Variants in CTXND1 observed in about 807,000 individuals in gnomAD.
CTXND1 encodes the protein cortexin domain containing 1, also known as cortexin domain-containing 1 protein.
In CTXND1 at chr15:80,198,575, C is replaced by T. The variant is rs183548184; in HGVS notation, c.*3195G>A. The T allele has an allele frequency of 1.6e-4, 25 of 152,334 alleles. No homozygotes were observed. Among genetic ancestry groups the T allele is most frequent in the African/African-American group, 5.8e-4 (24 of 41,576 alleles). The allele number at this position is 152,334 out of a possible 1,614,324, so 9.4% of individuals were successfully genotyped here. A position where few individuals can be genotyped will look rare whatever the true frequency, so the allele number is the denominator to read the frequency against. On this transcript the variant is annotated 3_prime_UTR_variant, in exon 3 of 3. Transcript: ENST00000560778. Reference sequence around the variant, plus strand: ...GACCATCTCCTCTATGCTTCAGCAGCATAATGCAACAACTGAAGCCTGAGA... The same window carrying T: ...GACCATCTCCTCTATGCTTCAGCAGTATAATGCAACAACTGAAGCCTGAGA...
chr15:80,226,654 C>G (rs1893375160), intron 1 of CTXND1, among the ~76,000 whole-genome samples: 1 of 152,214 alleles, frequency 6.6e-6, no homozygotes, highest in African/African-American at 2.4e-5. Context: ...GCCTGACACT[C>G]TGACCCTGGC....
intron 1 of CTXND1, among the ~76,000 whole-genome samples, chr15:80,234,554 T>C (rs1380800211): frequency 6.6e-6 from 1 of 150,994 alleles, no homozygotes; most frequent in African/African-American, 2.4e-5. Context: ...CTCAGCTCAC[T>C]GCAACGTCTA....
At chr15:80,213,861 T>C (rs1857729096) in intron 1 of CTXND1, among the ~76,000 whole-genome samples, 2 of 152,154 alleles carry the variant, frequency 1.3e-5, no homozygotes, top group African/African-American at 4.8e-5. Context: ...CATTAAAGAA[T>C]TGTATATACC....
chr15:80,240,151 G>A (rs1870999203), intron 1 of CTXND1, among the ~76,000 whole-genome samples: 1 of 152,158 alleles, frequency 6.6e-6, no homozygotes, highest in South Asian at 2.1e-4. Context: ...TTTTAGTAGA[G>A]ACGAGGTTTC....
At chr15:80,229,874 G>C (rs1336508952) in intron 1 of CTXND1, among the ~76,000 whole-genome samples, 2 of 152,156 alleles carry the variant, frequency 1.3e-5, no homozygotes, top group Admixed American at 6.5e-5. Context: ...CAAACAGAGA[G>C]AGATCTATCC....
chr15:80,233,185 C>T (rs922885667), intron 1 of CTXND1, among the ~76,000 whole-genome samples: 2 of 152,060 alleles, frequency 1.3e-5, no homozygotes, highest in South Asian at 2.1e-4. Context: ...GTGATCCACC[C>T]GCCTCAGCCT....
rs2217179 is a variant in CTXND1 at position 80,245,891 on chromosome 15, T to A, written c.-218+6116A>T. 2.2e-3 allele frequency among the ~76,000 whole-genome samples: 337 copies of A among 152,238 alleles called. 1 individual carries two copies. The highest frequency in any genetic ancestry group is 7.7e-3 in the African/African-American group (319 of 41,540). On this transcript the variant is annotated intron_variant, in intron 1 of 2. Transcript: ENST00000560778. ...ACAACCCCCAACCCCGCAAGCCTCA[T>A]GAACACAATTTATTAGGTGTCATTC... is the stretch of plus-strand genomic sequence containing the variant.
chr15:80,204,815 A>G (rs28730395), intron 1 of CTXND1, among the ~76,000 whole-genome samples: 38 of 152,286 alleles, frequency 2.5e-4, no homozygotes, highest in African/African-American at 7.9e-4. Flanking sequence ...GTATATAAGC[A>G]GAAGTGGCAT....
chr15:80,199,138 T>C lies in CTXND1; in HGVS notation c.*2632A>G, dbSNP rs2041435573. On this transcript the variant is annotated 3_prime_UTR_variant, in exon 3 of 3. Coordinates refer to ENST00000560778, the MANE Select transcript of CTXND1 (RefSeq NM_001352888.2). Reference sequence around the variant, plus strand: ...TTGCCATCAAACAAGAGTCAAGAGATAAGGTGAAACCCATTAGCAAATCTG... The same window carrying C: ...TTGCCATCAAACAAGAGTCAAGAGACAAGGTGAAACCCATTAGCAAATCTG... 1 of 152,194 alleles carries C rather than the reference T, an allele frequency of 6.6e-6. No individual in the cohort carries two copies. Among genetic ancestry groups the C allele is most frequent in the Admixed American group, 6.5e-5 (1 of 15,280 alleles). The allele number at this position is 152,194 out of a possible 1,614,324, so 9.4% of individuals were successfully genotyped here.
intron 1 of CTXND1, among the ~76,000 whole-genome samples, chr15:80,223,287 C>T (rs990607003): frequency 6.6e-6 from 1 of 152,162 alleles, no homozygotes; most frequent in African/African-American, 2.4e-5. Context: ...GAACTCCCGA[C>T]CTCAGGTGAT....
chr15:80,231,384 G>C (rs1265900093), intron 1 of CTXND1, among the ~76,000 whole-genome samples: 1 of 145,124 alleles, frequency 6.9e-6, no homozygotes, highest in African/African-American at 2.6e-5. Flanking sequence ...TTTTTATCCT[G>C]CATTTAAAAA....
chr15:80,214,646 C>T (rs183585041), intron 1 of CTXND1, among the ~76,000 whole-genome samples: 2 of 152,256 alleles, frequency 1.3e-5, no homozygotes, highest in Admixed American at 1.3e-4. Context: ...CTGTTTACTA[C>T]ACTTAGGGGC....
chr15:80,230,821 G>A (rs534692651), intron 1 of CTXND1, among the ~76,000 whole-genome samples: 6 of 152,202 alleles, frequency 3.9e-5, no homozygotes, highest in South Asian at 4.1e-4. Flanking sequence ...GTCCAAGGAC[G>A]CTGAGGCAGG....
intron 1 of CTXND1, among the ~76,000 whole-genome samples, chr15:80,206,393 T>C (rs1307335646): frequency 2.0e-5 from 3 of 152,218 alleles, no homozygotes; most frequent in African/African-American, 7.2e-5. Flanking sequence ...GTGTTTAAGA[T>C]CCATTTGTCC....
At chr15:80,222,435 T>A (rs1240698981) in intron 1 of CTXND1, among the ~76,000 whole-genome samples, 1 of 152,184 alleles carries the variant, frequency 6.6e-6, no homozygotes, top group Non-Finnish European at 1.5e-5. Flanking sequence ...TCTTAAATAG[T>A]CATAACTATA....
intron 1 of CTXND1, among the ~76,000 whole-genome samples, chr15:80,230,915 G>A (rs545712452): frequency 7.9e-5 from 12 of 151,950 alleles, no homozygotes; most frequent in Non-Finnish European, 1.3e-4. Context: ...AAAATTAGCC[G>A]GGCAGGGTGG....
At chr15:80,214,173 T>C (rs1040262562) in intron 1 of CTXND1, among the ~76,000 whole-genome samples, 2 of 152,278 alleles carry the variant, frequency 1.3e-5, no homozygotes, top group Admixed American at 6.5e-5. Flanking sequence ...GAAATGAAAG[T>C]ACAATACATT....
chr15:80,201,775 C>A lies in CTXND1; in HGVS notation c.175G>T (p.Asp59Tyr). The A allele has an allele frequency of 5.0e-6, 2 of 398,826 alleles. No individual in the cohort carries two copies. Among genetic ancestry groups the A allele is most frequent in the South Asian group, 2.6e-4 (2 of 7,822 alleles). The allele number at this position is 398,826 out of a possible 1,614,324, so 24.7% of individuals were successfully genotyped here. The change falls in exon 3 of 3, where the codon GAC becomes TAC. Residue 59 changes from aspartate to tyrosine, a missense_variant. Asp to Tyr is a radical substitution (Grantham distance 160). Coordinates refer to ENST00000560778, the MANE Select transcript of CTXND1 (RefSeq NM_001352888.2). ...GTCCCCACAGCCGCTGTGCCTCAGT[C>A]GTCCAGGTGCTGCTCCTCCCAGGTG... ...TSTWEEQHLD[D>Y]
At chr15:80,251,790 A>G (rs71399406) in intron 1 of CTXND1, among the ~76,000 whole-genome samples, 28,124 of 151,680 alleles carry the variant, frequency 0.19, 2,968 homozygotes, top group Admixed American at 0.23. Flanking sequence ...CCGCCGACCG[A>G]GGCGCGCCCC....
Sources: gnomAD v4.1 joint callset for allele counts (sites outside exome capture counted in the v4.1 genomes callset) on GRCh38, gnomAD v4.1.1 for gene constraint, MANE v1.5 for transcripts, NCBI Gene and HGNC (gene_info 2026-07-23, HGNC 2026-07-21) for gene names.